SMPD3: variants seen among roughly 807,000 people sequenced by gnomAD.
SMPD3 encodes sphingomyelin phosphodiesterase 3, also known as nSMase-2.
In SMPD3, 21 loss-of-function variants were observed where a neutral mutation model predicts 55.7. The observed-to-expected ratio is 0.38, with a 90% CI of 0.27 to 0.54. The LOEUF (loss-of-function observed/expected upper bound fraction) is 0.54, where lower values mean the gene tolerates loss of function less well. Among genes scored for constraint, SMPD3 ranks in the 20% least tolerant of loss-of-function variants. The pLI is 0.80. For synonymous variants in SMPD3, 457 were observed against 404.3 expected (o/e 1.13, Z -1.56); for missense variants, 842 against 899.6 (o/e 0.94, Z 0.82).
In SMPD3 at chr16:68,361,720, C is replaced by T. The variant is rs1016674358; in HGVS notation, c.1749G>A (p.Ala583=). 121 of 1,612,986 alleles carry T rather than the reference C, an allele frequency of 7.5e-5. No individual in the cohort carries two copies. In the Admixed American group the frequency reaches 1.1e-3, roughly 15 times the overall value. The change falls in exon 8 of 9, where the codon GCG becomes GCA. Residue 583 remains alanine (A), a synonymous_variant. Transcript: ENST00000219334. ...ESEEGRREYL[A]FPTSKSSGQK... ...GGCCCGAGCTCTTGCTGGTGGGAAA[C>T]GCCAGGTACTCCCTGCGGCCCTCCT...
chr16:68,363,595 G>A, intron 6 of SMPD3, 36 bp from the exon 7 acceptor site: 1 of 1,600,646 alleles, frequency 6.2e-7, no homozygotes, highest in South Asian at 1.1e-5. Flanking sequence ...GGTCGCTGCA[G>A]GCAGGGCCCA....
chr16:68,371,767 C>T lies in SMPD3; in HGVS notation c.415G>A (p.Ala139Thr), dbSNP rs369768632. Residue 139 changes from alanine (A) to threonine (T), a missense_variant, in exon 3 of 9, where the codon GCC becomes ACC. Physicochemically the swap from Ala to Thr is moderately conservative, Grantham distance 58. This residue lies in a region of SMPD3 where 193 missense variants were observed against 256.0 expected (regional missense o/e 0.75). Coordinates refer to ENST00000219334, the MANE Select transcript of SMPD3 (RefSeq NM_018667.4). ...ANVCLLPDSL[A>T]RVNNLFNTQA... ...GTGTTAAAAAGGTTGTTGACCCTGG[C>T]GAGTGAGTCGGGCAGGAGGCAGACG... 11 of 1,610,838 alleles carry T rather than the reference C, an allele frequency of 6.8e-6. No homozygotes were observed. The highest frequency in any genetic ancestry group is 1.7e-5 in the Admixed American group (1 of 59,572).
chr16:68,423,761 C>T (rs2090414717), intron 1 of SMPD3, among the ~76,000 whole-genome samples: 1 of 152,166 alleles, frequency 6.6e-6, no homozygotes, highest in Admixed American at 6.5e-5. Flanking sequence ...TACCCACCAG[C>T]AGGTACTTCC....
chr16:68,363,581 C>T (rs2089381665), intron 6 of SMPD3, 22 bp from the exon 7 acceptor site: 1 of 1,609,448 alleles, frequency 6.2e-7, no homozygotes. Flanking sequence ...GAGGGGGTGA[C>T]AGTGGTCGCT....
chr16:68,408,003 T>C (rs538055462), intron 1 of SMPD3, among the ~76,000 whole-genome samples: 1 of 152,240 alleles, frequency 6.6e-6, no homozygotes, highest in African/African-American at 2.4e-5. Context: ...AAGATAGAAA[T>C]AGGAAATTGG....
chr16:68,363,974 T>C, intron 5 of SMPD3, 108 bp from the exon 6 acceptor site: 6 of 1,028,816 alleles, frequency 5.8e-6, no homozygotes, highest in Non-Finnish European at 8.6e-6. Flanking sequence ...CAGGCCCCCA[T>C]CCCTTAGGCC....
chr16:68,361,850 T>A, intron 7 of SMPD3, 91 bp from the exon 8 acceptor site: 2 of 1,247,422 alleles, frequency 1.6e-6, no homozygotes, highest in Non-Finnish European at 2.2e-6. Flanking sequence ...CTCCTCCCAG[T>A]GTGGGAGCGG....
intron 1 of SMPD3, among the ~76,000 whole-genome samples, chr16:68,422,577 CTGG>C: frequency 6.6e-6 from 1 of 152,304 alleles, no homozygotes; most frequent in Non-Finnish European, 1.5e-5. Flanking sequence ...CAGGTGAGAA[CTGG>C]TGGTGAAGAA....
chr16:68,394,141 T>A (rs72792240), intron 1 of SMPD3, among the ~76,000 whole-genome samples: 25 of 152,332 alleles, frequency 1.6e-4, no homozygotes, highest in Non-Finnish European at 3.4e-4. Context: ...TTTTTTCATT[T>A]CTGGAAACTT....
intron 1 of SMPD3, among the ~76,000 whole-genome samples, chr16:68,403,167 C>T (rs907714828): frequency 3.3e-5 from 5 of 152,224 alleles, no homozygotes; most frequent in East Asian, 1.9e-4. Flanking sequence ...CTGACCATCC[C>T]GTACAAATAA....
intron 1 of SMPD3, among the ~76,000 whole-genome samples, chr16:68,401,346 T>C (rs77465129): frequency 8.5e-5 from 13 of 152,202 alleles, no homozygotes; most frequent in African/African-American, 3.1e-4. Context: ...TCTGAGCCAA[T>C]TTTTTAGGTT....
chr16:68,441,491 A>G (rs2090565424), intron 1 of SMPD3, among the ~76,000 whole-genome samples: 1 of 152,184 alleles, frequency 6.6e-6, no homozygotes, highest in African/African-American at 2.4e-5. Context: ...GTAAAAAGAA[A>G]CAAGTGAAAT....
intron 3 of SMPD3, chr16:68,367,649 A>T (rs1305608188): frequency 6.6e-6 from 1 of 152,222 alleles, no homozygotes; most frequent in Non-Finnish European, 1.5e-5. Flanking sequence ...TGGCCGGAGG[A>T]GTGACGAGGT....
chr16:68,409,582 G>C (rs1327024763), intron 1 of SMPD3, among the ~76,000 whole-genome samples: 1 of 152,138 alleles, frequency 6.6e-6, no homozygotes, highest in Non-Finnish European at 1.5e-5. Flanking sequence ...AGATGCACTT[G>C]GTGCATGGTC....
At chr16:68,440,319 C>T (rs574575344) in intron 1 of SMPD3, among the ~76,000 whole-genome samples, 1 of 152,290 alleles carries the variant, frequency 6.6e-6, no homozygotes, top group Non-Finnish European at 1.5e-5. Context: ...ACCTCAGCCT[C>T]CTCCTGAGTA....
intron 2 of SMPD3, among the ~76,000 whole-genome samples, chr16:68,378,539 T>C (rs1382354512): frequency 6.6e-6 from 1 of 151,904 alleles, no homozygotes; most frequent in African/African-American, 2.4e-5. Context: ...CCTGCCTCCT[T>C]CTCCCTGCAG....
chr16:68,369,254 T>G (rs1379864897), intron 3 of SMPD3: 1 of 148,058 alleles, frequency 6.8e-6, no homozygotes, highest in Non-Finnish European at 1.5e-5. Flanking sequence ...TACAAAAAAT[T>G]TTTGAATGTC....
intron 1 of SMPD3, among the ~76,000 whole-genome samples, chr16:68,438,684 C>T (rs1220308675): frequency 6.6e-6 from 1 of 152,198 alleles, no homozygotes; most frequent in Non-Finnish European, 1.5e-5. Flanking sequence ...CACAACTTTC[C>T]CTTGCCTTCC....
intron 1 of SMPD3, among the ~76,000 whole-genome samples, chr16:68,392,404 T>C (rs1033030776): frequency 1.3e-5 from 2 of 152,202 alleles, no homozygotes; most frequent in African/African-American, 4.8e-5. Flanking sequence ...AGCTATAATG[T>C]TTGCTAGTTT....
Sources: allele counts gnomAD v4.1 joint callset (sites outside exome capture counted in the v4.1 genomes callset), GRCh38; gene constraint gnomAD v4.1.1; regional missense constraint gnomAD v4.1.1; transcripts MANE v1.5; gene names NCBI Gene and HGNC (gene_info 2026-07-23, HGNC 2026-07-21).